Variants in SLC6A12 observed in about 807,000 individuals in gnomAD.
SLC6A12 encodes the protein sodium- and chloride-dependent betaine transporter.
In SLC6A12, 50 loss-of-function variants were observed where a neutral mutation model predicts 73.3. That is an observed-to-expected ratio of 0.68 (90% CI 0.54 to 0.86). SLC6A12 has a LOEUF of 0.86. SLC6A12 is among the 40% of genes least tolerant of loss of function. The pLI, the probability that SLC6A12 is intolerant of heterozygous loss-of-function variation, is 0.00. For missense variants in SLC6A12, 648 were observed against 772.8 expected (o/e 0.84, Z 1.92); for synonymous variants, 304 against 309.2 (o/e 0.98, Z 0.18).
At chr12:207,320 G>A (rs1417530102) in intron 3 of SLC6A12, among the ~76,000 whole-genome samples, 1 of 152,224 alleles carries the variant, frequency 6.6e-6, no homozygotes, top group Non-Finnish European at 1.5e-5. Flanking sequence ...TGGGGTTGGT[G>A]TCAACACCTC....
At chr12:205,923 C>CT (rs1242141531) in intron 3 of SLC6A12, among the ~76,000 whole-genome samples, 1 of 152,190 alleles carries the variant, frequency 6.6e-6, no homozygotes, top group Admixed American at 6.5e-5. Flanking sequence ...TATCATTGGA[C>CT]TTTTGGTCAT....
chr12:196,352 T>C (rs1287188967), intron 11 of SLC6A12, 91 bp from the exon 12 acceptor site: 1 of 1,452,896 alleles, frequency 6.9e-7, no homozygotes, highest in East Asian at 2.4e-5. Flanking sequence ...TCATCCACAC[T>C]GATGCACAGG....
chr12:191,895 T>TA (rs1318767740), intron 15 of SLC6A12, among the ~76,000 whole-genome samples: 1 of 152,156 alleles, frequency 6.6e-6, no homozygotes, highest in Admixed American at 6.5e-5. Flanking sequence ...TCTTGAAACA[T>TA]AAAAAACAAA....
At chr12:204,208 A>AC (rs1319301378) in intron 4 of SLC6A12, 1 of 258,708 alleles carries the variant, frequency 3.9e-6, no homozygotes, top group African/African-American at 2.2e-5. Flanking sequence ...GAGGCACAGC[A>AC]CCCCGGGAGC....
At chr12:203,218 G>C (rs992642918) in intron 4 of SLC6A12, 1 of 178,570 alleles carries the variant, frequency 5.6e-6, no homozygotes, top group East Asian at 1.5e-4. Context: ...AGACAGACCC[G>C]GCTAATTTTA....
chr12:211,821 G>A (rs1373751382), intron 2 of SLC6A12, among the ~76,000 whole-genome samples: 1 of 152,192 alleles, frequency 6.6e-6, no homozygotes, highest in Non-Finnish European at 1.5e-5. Context: ...ATAACAACAG[G>A]TTGACATCTG....
At chr12:186,848 G>GA (rs1341339203), downstream of SLC6A12, among the ~76,000 whole-genome samples, 2 of 152,142 alleles carry the variant, frequency 1.3e-5, no homozygotes, top group African/African-American at 4.8e-5. Flanking sequence ...GCATCATAGG[G>GA]TGTGAGGTCC....
chr12:195,511 G>A (rs1344506712), intron 12 of SLC6A12, among the ~76,000 whole-genome samples, 184 bp from the exon 13 acceptor site: 4 of 152,144 alleles, frequency 2.6e-5, no homozygotes, highest in African/African-American at 7.2e-5. Context: ...TCAACATCAG[G>A]ACAATAACCT....
chr12:201,633 A>G, intron 6 of SLC6A12, 129 bp downstream of exon 6: 2 of 709,912 alleles, frequency 2.8e-6, no homozygotes, highest in South Asian at 3.4e-5. Flanking sequence ...GTGGGGTTGG[A>G]GTGGGGCGGG....
At chr12:186,920 G>A (rs1193265352), downstream of SLC6A12, among the ~76,000 whole-genome samples, 2 of 152,148 alleles carry the variant, frequency 1.3e-5, no homozygotes, top group South Asian at 2.1e-4. Context: ...GAGGCACCAG[G>A]ACCCCCAACC....
chr12:185,293 G>A (rs1318053890), downstream of SLC6A12, among the ~76,000 whole-genome samples: 1 of 152,190 alleles, frequency 6.6e-6, no homozygotes, highest in East Asian at 1.9e-4. Flanking sequence ...TCCTCTCCAT[G>A]ACAAACCCAA....
downstream of SLC6A12, among the ~76,000 whole-genome samples, chr12:188,011 G>A (rs1264593651): frequency 2.0e-5 from 3 of 152,210 alleles, no homozygotes; most frequent in Admixed American, 6.5e-5. Context: ...TAGACATAAA[G>A]GTTCTCCTAG....
chr12:196,982 A>T lies in SLC6A12; in HGVS notation c.1076-100T>A, dbSNP rs138316935. The T allele has an allele frequency of 3.5e-3, 2,563 of 735,648 alleles. 32 individuals carry two copies. Among genetic ancestry groups the T allele is most frequent in the African/African-American group, 0.023 (1,325 of 57,222 alleles). 45.6% of individuals were successfully genotyped at this position (735,648 alleles called of 1,614,324 possible). ...ACTGTGTGTGTGTGTACCTGTGCACACACTTTAAGAGGAAAGGGTGATTCC... is the reference window on the plus strand; with the variant it reads ...ACTGTGTGTGTGTGTACCTGTGCACTCACTTTAAGAGGAAAGGGTGATTCC... On this transcript the variant is annotated intron_variant, in intron 10 of 15. Coordinates refer to ENST00000684302, the MANE Select transcript of SLC6A12 (RefSeq NM_001122848.3).
chr12:189,018 G>A (rs1295744770), downstream of SLC6A12, among the ~76,000 whole-genome samples: 1 of 152,254 alleles, frequency 6.6e-6, no homozygotes, highest in Admixed American at 6.5e-5. Context: ...CAGCAGAGAG[G>A]ATGGCGAATT....
intron 2 of SLC6A12, 27 bp from the exon 3 acceptor site, chr12:210,070 T>G: frequency 1.3e-6 from 2 of 1,541,778 alleles, no homozygotes; most frequent in East Asian, 4.7e-5. Context: ...AAATTAGCTG[T>G]AAAACCCGAC....
Position 202,887 on chromosome 12 carries a change from G to A in SLC6A12, c.350-7C>T, listed in dbSNP as rs1370780053. On this transcript the variant is annotated splice_polypyrimidine_tract_variant and splice_region_variant and intron_variant, in intron 4 of 15. Coordinates refer to ENST00000684302, the MANE Select transcript of SLC6A12 (RefSeq NM_001122848.3). ...ACAGATGCCAGACCAATGCCTTCCA[G>A]AGTGGGGGAGAGATGGGGAGGGACA... The A allele has an allele frequency of 6.2e-7, 1 of 1,613,496 alleles. No homozygotes were observed.
chr12:204,138 C>T (rs1053754382), intron 4 of SLC6A12: 2 of 205,478 alleles, frequency 9.7e-6, no homozygotes, highest in Non-Finnish European at 2.0e-5. Context: ...CCCAGCTGAG[C>T]GGGACATTTA....
chr12:197,126 C>CATCT (rs1565468989), intron 10 of SLC6A12, among the ~76,000 whole-genome samples: 34 of 73,656 alleles, frequency 4.6e-4, no homozygotes, highest in South Asian at 2.3e-3. Flanking sequence ...TCCATCCATC[C>CATCT]ATCCATCCAT....
chr12:196,684 G>T, intron 11 of SLC6A12, 86 bp downstream of exon 11: 3 of 920,164 alleles, frequency 3.3e-6, no homozygotes, highest in East Asian at 2.4e-5. Context: ...TCAGGGGAGT[G>T]GGAGTGAGGG....
Sources: allele counts gnomAD v4.1 joint callset (sites outside exome capture counted in the v4.1 genomes callset), GRCh38; gene constraint gnomAD v4.1.1; transcripts MANE v1.5; gene names NCBI Gene and HGNC (gene_info 2026-07-23, HGNC 2026-07-21).